The following MYO16 variants were observed in gnomAD, a reference collection of about 807,000 sequenced individuals.
MYO16 encodes myosin XVI.
MYO16 carries 94 observed loss-of-function variants against 205.3 expected under a neutral mutation model. The observed-to-expected ratio is 0.46, with a 90% CI of 0.39 to 0.54. The LOEUF is 0.54. Ranked by LOEUF, MYO16 falls within the 20% of genes least tolerant of loss-of-function variation. The probability of loss-of-function intolerance (pLI) is 0.00; values close to 1 mark genes in which losing one functional copy is unlikely to be tolerated. For missense variants in MYO16, 2,315 were observed against 2,387.5 expected (o/e 0.97, Z 0.63); for synonymous variants, 988 against 954.0 (o/e 1.04, Z -0.66).
chr13:109,169,519 A>G lies in MYO16; in HGVS notation c.5323+4460A>G, dbSNP rs1306403178. Among the ~76,000 whole-genome samples, 9 of 152,280 alleles carry G rather than the reference A, an allele frequency of 5.9e-5. No homozygotes were observed. In the East Asian group the frequency reaches 1.5e-3, roughly 26 times the overall value. ...GCACAAATAACAGATTTTAGATTGA[A>G]AAGGGGACATCAATACAGATCTGGC... On this transcript the variant is annotated intron_variant, in intron 33 of 34. Coordinates refer to ENST00000457511, the MANE Select transcript of MYO16 (RefSeq NM_001198950.3).
chr13:108,907,823 A>G (rs1881062173), intron 15 of MYO16, among the ~76,000 whole-genome samples: 1 of 152,194 alleles, frequency 6.6e-6, no homozygotes, highest in Non-Finnish European at 1.5e-5. Flanking sequence ...TGCTTCAATC[A>G]GGGCTTGCAT....
At chr13:108,729,944 GAC>G (rs1884468868) in intron 4 of MYO16, among the ~76,000 whole-genome samples, 1 of 152,166 alleles carries the variant, frequency 6.6e-6, no homozygotes, top group Non-Finnish European at 1.5e-5. Context: ...ACCAAATTAT[GAC>G]AAAGAAAAGA....
At chr13:108,611,972 C>T (rs201271092) in intron 1 of MYO16, among the ~76,000 whole-genome samples, 1,599 of 88,850 alleles carry the variant, frequency 0.018, 6 homozygotes, top group Middle Eastern at 0.037. Flanking sequence ...TTTTTTTTTT[C>T]TTTTTTTTTT....
rs114626559 is a variant in MYO16 at position 109,041,457 on chromosome 13, C to T, written c.2797-5459C>T. On this transcript the variant is annotated intron_variant, in intron 23 of 34. Transcript: ENST00000457511. ...AAAGAAGAATGAAGTGGGAGGAATT[C>T]ACCTTCTCCATTTAACGTCCTTAAA... Among the ~76,000 whole-genome samples the T allele has an allele frequency of 1.0e-3, 159 of 152,294 alleles. 1 individual carries two copies. The highest frequency in any genetic ancestry group is 3.4e-3 in the African/African-American group (140 of 41,558).
At chr13:108,993,896 A>T (rs1226129943) in intron 21 of MYO16, among the ~76,000 whole-genome samples, 1 of 152,206 alleles carries the variant, frequency 6.6e-6, no homozygotes, top group East Asian at 1.9e-4. Flanking sequence ...CATGTCTGCA[A>T]TGAGAGTCAC....
chr13:108,894,602 T>G (rs1318464068), intron 14 of MYO16, among the ~76,000 whole-genome samples: 1 of 152,192 alleles, frequency 6.6e-6, no homozygotes, highest in South Asian at 2.1e-4. Flanking sequence ...GAAATGACTT[T>G]TGGTGATTAT....
At chr13:109,048,941 T>C (rs1887141248) in intron 24 of MYO16, 1 of 117,050 alleles carries the variant, frequency 8.5e-6, no homozygotes, top group Non-Finnish European at 1.6e-5. Flanking sequence ...AGAAGTAAAG[T>C]CTACTTCACT....
At chr13:108,599,667 A>AT (rs1473222595) in intron 1 of MYO16, among the ~76,000 whole-genome samples, 3 of 151,990 alleles carry the variant, frequency 2.0e-5, no homozygotes, top group Non-Finnish European at 4.4e-5. Flanking sequence ...CATTAAAAAA[A>AT]ATATCAAATG....
intron 13 of MYO16, among the ~76,000 whole-genome samples, chr13:108,886,779 C>T (rs1163467009): frequency 2.6e-5 from 4 of 152,028 alleles, no homozygotes; most frequent in Non-Finnish European, 5.9e-5. Context: ...CGGAGCTTCT[C>T]GGGGGACCCT....
At chr13:108,776,585 C>T (rs1342146339) in intron 4 of MYO16, among the ~76,000 whole-genome samples, 1 of 152,170 alleles carries the variant, frequency 6.6e-6, no homozygotes, top group African/African-American at 2.4e-5. Flanking sequence ...ATCTGTAGCA[C>T]TCCAATAAAA....
intron 1 of MYO16, among the ~76,000 whole-genome samples, chr13:108,623,169 T>C (rs978106380): frequency 2.0e-5 from 3 of 152,164 alleles, no homozygotes; most frequent in African/African-American, 7.2e-5. Flanking sequence ...CTGCCAATGC[T>C]CTTTCCTCTG....
rs1555304222 is a variant in MYO16 at position 108,838,678 on chromosome 13, A to AAT, written c.1098-5653_1098-5652dup. On this transcript the variant is annotated intron_variant, in intron 9 of 34. Transcript: ENST00000457511. ...GTGAGACTGTCTCAAAAAAAAAAAA[A>AAT]ATATATATATATACACACACACACA... Among the ~76,000 whole-genome samples the AAT allele has an allele frequency of 1.2e-3, 147 of 124,766 alleles. 1 individual carries two copies. The highest frequency in any genetic ancestry group is 8.1e-3 in the Middle Eastern group (2 of 246). The allele number at this position is 124,766 out of a possible 152,430, so 81.9% of individuals were successfully genotyped here.
intron 10 of MYO16, among the ~76,000 whole-genome samples, chr13:108,850,668 A>T (rs7330740): frequency 0.63 from 95,856 of 152,044 alleles, 30,698 homozygotes; most frequent in Middle Eastern, 0.68. Context: ...GTCAGCTGTC[A>T]CAATGCTTTT....
At chr13:109,164,341 T>C (rs1878537241) in intron 32 of MYO16, among the ~76,000 whole-genome samples, 1 of 152,188 alleles carries the variant, frequency 6.6e-6, no homozygotes, top group Non-Finnish European at 1.5e-5. Flanking sequence ...GTGGCTTTCG[T>C]GTTCGTACCT....
chr13:108,530,861 C>T, the MYO16 span, among the ~76,000 whole-genome samples: 1 of 151,894 alleles, frequency 6.6e-6, no homozygotes, highest in South Asian at 2.1e-4. Context: ...TTTATTGATT[C>T]ACATGATGCT....
intron 4 of MYO16, among the ~76,000 whole-genome samples, chr13:108,784,666 A>C (rs1886404720): frequency 6.6e-6 from 1 of 152,236 alleles, no homozygotes; most frequent in African/African-American, 2.4e-5. Flanking sequence ...GTAAAGTTAT[A>C]AATTGGTATA....
chr13:108,785,800 G>A, intron 5 of MYO16, 57 bp downstream of exon 5: 1 of 1,135,368 alleles, frequency 8.8e-7, no homozygotes, highest in Middle Eastern at 2.0e-4. Flanking sequence ...TTGTAAGTGT[G>A]TATTCATTTT....
intron 17 of MYO16, among the ~76,000 whole-genome samples, chr13:108,958,829 G>A (rs1883477911): frequency 6.6e-6 from 1 of 152,116 alleles, no homozygotes; most frequent in African/African-American, 2.4e-5. Flanking sequence ...ACATGGTGGT[G>A]TTTTGGATTA....
chr13:108,609,501 G>A (rs1879092766), intron 1 of MYO16, among the ~76,000 whole-genome samples: 1 of 152,104 alleles, frequency 6.6e-6, no homozygotes, highest in Non-Finnish European at 1.5e-5. Flanking sequence ...ATGAATGAAG[G>A]AACAATTTTG....
Sources: allele counts gnomAD v4.1 joint callset (sites outside exome capture counted in the v4.1 genomes callset), GRCh38; gene constraint gnomAD v4.1.1; transcripts MANE v1.5; gene names NCBI Gene and HGNC (gene_info 2026-07-23, HGNC 2026-07-21).